Variants in ABL1 observed in about 807,000 individuals in gnomAD.
ABL1 encodes the protein ABL proto-oncogene 1, non-receptor tyrosine kinase.
Under a neutral mutation model 94.7 loss-of-function variants are expected in ABL1, and 11 were observed. The ratio of observed to expected loss-of-function variants is 0.12; its 90% CI spans 0.07 to 0.19. The LOEUF (loss-of-function observed/expected upper bound fraction) is 0.19. Ranked by LOEUF, ABL1 falls within the 10% of genes least tolerant of loss-of-function variation. ABL1 has a pLI of 1.00. For missense variants in ABL1, 1,082 were observed against 1,489.4 expected, an observed-to-expected ratio of 0.73 and a Z score of 4.50; for synonymous variants, 656 against 622.4, an observed-to-expected ratio of 1.05 and a Z score of -0.80.
intron 1 of ABL1, among the ~76,000 whole-genome samples, chr9:130,819,037 CTG>C (rs1308551713): frequency 2.6e-5 from 4 of 152,142 alleles, no homozygotes; most frequent in African/African-American, 9.7e-5. Context: ...TTTCTCAAGA[CTG>C]TGCATCCTTG....
intron 1 of ABL1, among the ~76,000 whole-genome samples, chr9:130,753,116 G>A (rs1182903215): frequency 2.0e-5 from 3 of 151,166 alleles, no homozygotes; most frequent in African/African-American, 7.3e-5. Flanking sequence ...AATTAGCTGG[G>A]CATGGTGGCT....
Position 130,835,366 on chromosome 9 carries a change from G to GCGGGCCGAGC in ABL1, c.-74_-65dup. 1.2e-6 allele frequency: 1 copy of GCGGGCCGAGC among 807,526 alleles called. No individual in the cohort carries two copies. The highest frequency in any genetic ancestry group is 1.5e-6 in the Non-Finnish European group (1 of 653,208). 50.0% of individuals were successfully genotyped at this position (807,526 alleles called of 1,614,324 possible). A position where few individuals can be genotyped will look rare whatever the true frequency, so the allele number is the denominator to read the frequency against. On this transcript the variant is annotated 5_prime_UTR_variant, in exon 1 of 11. Transcript: ENST00000318560. The surrounding 1 kb of genome is among the most constrained non-coding windows in gnomAD (Gnocchi z 4.6). ...GGGGCCGGGGGCGCCGGGGGGGCGC[G>GCGGGCCGAGC]CGGGCCGAGCCGGGCCTGAGCCGGG...
chr9:130,822,815 C>T (rs58954678), intron 1 of ABL1, among the ~76,000 whole-genome samples: 5,316 of 147,164 alleles, frequency 0.036, 295 homozygotes, highest in African/African-American at 0.13. Context: ...TTTTTTTTTT[C>T]GAGATGGAGT....
At chr9:130,883,495 CAAAAA>C (rs796536168) in intron 10 of ABL1, among the ~76,000 whole-genome samples, 10 of 122,280 alleles carry the variant, frequency 8.2e-5, no homozygotes, top group African/African-American at 2.6e-4. Context: ...GACTCCAACT[CAAAAA>C]AAAAAAAAAA....
chr9:130,757,404 T>TAA (rs1416583415), intron 1 of ABL1, among the ~76,000 whole-genome samples: 1 of 151,728 alleles, frequency 6.6e-6, no homozygotes, highest in Non-Finnish European at 1.5e-5. Context: ...CTGTAAAAAA[T>TAA]ACAAAAATTA....
chr9:130,792,499 CCT>C (rs1441017025), intron 1 of ABL1, among the ~76,000 whole-genome samples: 2 of 152,032 alleles, frequency 1.3e-5, no homozygotes, highest in African/African-American at 4.8e-5. Context: ...CAGTTCTCCC[CCT>C]TTCTCCATGA....
At chr9:130,730,046 C>CTTTTTTTTTTTTT (rs138446676) in intron 1 of ABL1, among the ~76,000 whole-genome samples, 1,841 of 106,938 alleles carry the variant, frequency 0.017, 159 homozygotes, top group Middle Eastern at 0.057. Context: ...CCCAGCCAGA[C>CTTTTTTTTTTTTT]TTTTTTTTTT....
intron 1 of ABL1, among the ~76,000 whole-genome samples, chr9:130,813,265 G>A (rs116199631): frequency 0.037 from 5,428 of 147,774 alleles, 309 homozygotes; most frequent in African/African-American, 0.13. Context: ...TCAATTTGTA[G>A]AAAGTATGAT....
Position 130,750,648 on chromosome 9 carries a change from T to C in ABL1, c.136+36193T>C, listed in dbSNP as rs982567094. ...TTTTCTTTTTTCTTTTTCTTTCTTTTTTTTTTTTTTTTTTTTGAGACAGAG... is the reference window on the plus strand; with the variant it reads ...TTTTCTTTTTTCTTTTTCTTTCTTTCTTTTTTTTTTTTTTTTGAGACAGAG... On this transcript the variant is annotated intron_variant, in intron 1 of 10. Transcript: ENST00000372348. Among the ~76,000 whole-genome samples the C allele has an allele frequency of 1.7e-3, 211 of 123,736 alleles. 1 individual carries two copies. Among genetic ancestry groups the C allele is most frequent in the African/African-American group, 5.6e-3 (176 of 31,462 alleles). The allele number at this position is 123,736 out of a possible 152,430, so 81.2% of individuals were successfully genotyped here. A position where few individuals can be genotyped will look rare whatever the true frequency, so the allele number is the denominator to read the frequency against.
At chr9:130,805,108 G>T in intron 1 of ABL1, among the ~76,000 whole-genome samples, 1 of 152,178 alleles carries the variant, frequency 6.6e-6, no homozygotes, top group Non-Finnish European at 1.5e-5. Context: ...ACAGAGTCTC[G>T]CACTGTCACC....
chr9:130,878,393 TTC>T lies in ABL1; in HGVS notation c.1271-18_1271-17del. 1.2e-6 allele frequency: 2 copies of T among 1,613,228 alleles called. No homozygotes were observed. Among genetic ancestry groups the T allele is most frequent in the Admixed American group, 3.3e-5 (2 of 59,990 alleles). ...AAATGCTACACATCTTGAACAGCCT[TTC>T]TCTTTCGGTTTTCTTTCAGCATTTG... On this transcript the variant is annotated intron_variant, in intron 7 of 10. Transcript: ENST00000318560.
intron 1 of ABL1, among the ~76,000 whole-genome samples, chr9:130,735,282 A>T (rs1273029332): frequency 6.6e-6 from 1 of 152,152 alleles, no homozygotes; most frequent in Non-Finnish European, 1.5e-5. Flanking sequence ...AGCCTGCCTC[A>T]GCCTCCCAAA....
intron 1 of ABL1, among the ~76,000 whole-genome samples, chr9:130,743,776 C>T (rs146118313): frequency 1.7e-3 from 262 of 152,076 alleles, no homozygotes; most frequent in South Asian, 3.3e-3. Flanking sequence ...GTGGGGGTCA[C>T]GCTGTGATTG....
Position 130,751,129 on chromosome 9 carries a change from C to CTTTTTTTTTTTTT in ABL1, c.136+36692_136+36704dup, listed in dbSNP as rs60206110. The stretch of plus-strand genomic sequence containing the variant: ...TTTGAAACTTGTTTTTTTTATTCAG[C>CTTTTTTTTTTTTT]TTTTTTTTTTTTTTTTTTTTTTTTT... On this transcript the variant is annotated intron_variant, in intron 1 of 10. Coordinates refer to the ABL1 transcript ENST00000372348. 5.9e-4 allele frequency among the ~76,000 whole-genome samples: 34 copies of CTTTTTTTTTTTTT among 57,486 alleles called. 10 individuals are homozygous for CTTTTTTTTTTTTT. The highest frequency in any genetic ancestry group is 2.1e-3 in the East Asian group (3 of 1,452). The allele number at this position is 57,486 out of a possible 152,430, so 37.7% of individuals were successfully genotyped here.
At chr9:130,771,405 T>G (rs1489345051) in intron 1 of ABL1, among the ~76,000 whole-genome samples, 2 of 151,902 alleles carry the variant, frequency 1.3e-5, no homozygotes, top group Non-Finnish European at 2.9e-5. Context: ...GGAAGTAGGG[T>G]CCTGTCATTT....
intron 1 of ABL1, among the ~76,000 whole-genome samples, chr9:130,742,667 C>G (rs887263411): frequency 2.0e-5 from 3 of 152,090 alleles, no homozygotes; most frequent in African/African-American, 7.2e-5. Context: ...TTCAGTAGCT[C>G]AAAACTCTCT....
At chr9:130,883,484 A>G (rs1035128838) in intron 10 of ABL1, among the ~76,000 whole-genome samples, 2 of 149,332 alleles carry the variant, frequency 1.3e-5, no homozygotes, top group African/African-American at 5.0e-5. Context: ...GCAACAAGCG[A>G]GACTCCAACT....
chr9:130,827,402 C>T lies in ABL1; in HGVS notation c.137-26662C>T, dbSNP rs555709581. Among the ~76,000 whole-genome samples the T allele has an allele frequency of 7.9e-5, 12 of 152,362 alleles. 1 individual carries two copies. The South Asian group carries it at 2.5e-3, about 32-fold the overall frequency. ...TCCTTTCACTGAAGCTTACCAGTGG[C>T]TGTGCCCCTTCCACGCATACAAAAC... On this transcript the variant is annotated intron_variant, in intron 1 of 10. Coordinates refer to the ABL1 transcript ENST00000372348.
intron 1 of ABL1, among the ~76,000 whole-genome samples, chr9:130,766,812 C>T (rs569945731): frequency 3.3e-5 from 5 of 152,330 alleles, no homozygotes; most frequent in African/African-American, 1.2e-4. Flanking sequence ...TTCCCAGCCT[C>T]CTGTTGCCAT....
Sources: gnomAD v4.1 joint callset for allele counts (sites outside exome capture counted in the v4.1 genomes callset) on GRCh38, gnomAD v4.1.1 for gene constraint, Gnocchi (gnomAD v3.1) non-coding constraint, MANE v1.5 for transcripts, NCBI Gene and HGNC (gene_info 2026-07-23, HGNC 2026-07-21) for gene names.